The following MDGA2 variants were observed in gnomAD, a reference collection of about 807,000 sequenced individuals.
MDGA2 encodes MAM domain-containing glycosylphosphatidylinositol anchor protein 2.
Under a neutral mutation model 117.8 loss-of-function variants are expected in MDGA2, and 40 were observed. The observed-to-expected ratio is 0.34, with a 90% CI of 0.26 to 0.44. The LOEUF (loss-of-function observed/expected upper bound fraction) is 0.44, where lower values mean the gene tolerates loss of function less well. Among genes scored for constraint, MDGA2 ranks in the 20% least tolerant of loss-of-function variants. The pLI is 1.00. For missense variants in MDGA2, 1,123 were observed against 1,250.6 expected (o/e 0.90, Z 1.54); for synonymous variants, 452 against 439.0 (o/e 1.03, Z -0.37).
Position 46,876,148 on chromosome 14 carries a change from TCAAA to T in MDGA2, c.2437+1337_2437+1340del, listed in dbSNP as rs1882219439. 2.0e-5 allele frequency among the ~76,000 whole-genome samples: 3 copies of T among 151,420 alleles called. 1 individual carries two copies. In the Admixed American group the frequency reaches 2.0e-4, roughly 10 times the overall value. ...ATTATAACTAGTGTAATAATTCAAA[TCAAA>T]CAAAGATACTTAAGCAACATCAATA... is the stretch of plus-strand genomic sequence containing the variant. On this transcript the variant is annotated intron_variant, in intron 12 of 16. Transcript: ENST00000399232.
chr14:46,998,533 A>C (rs1341589697), intron 8 of MDGA2, among the ~76,000 whole-genome samples: 1 of 152,170 alleles, frequency 6.6e-6, no homozygotes, highest in Non-Finnish European at 1.5e-5. Context: ...TGCATTTCTG[A>C]ATCCAGTATG....
chr14:47,609,465 A>ACATATATATATATAT (rs1555336021), intron 1 of MDGA2, among the ~76,000 whole-genome samples: 8 of 107,382 alleles, frequency 7.5e-5, no homozygotes, highest in Non-Finnish European at 1.4e-4. Context: ...ATATATATAT[A>ACATATATATATATAT]AGTTTCTTTA....
chr14:47,567,193 G>A (rs1895935946), intron 1 of MDGA2, among the ~76,000 whole-genome samples: 1 of 151,870 alleles, frequency 6.6e-6, no homozygotes, highest in Non-Finnish European at 1.5e-5. Context: ...GAGTCATCAT[G>A]CCCAGCCCAA....
chr14:47,566,552 C>G (rs1487902695), intron 1 of MDGA2, among the ~76,000 whole-genome samples: 1 of 152,182 alleles, frequency 6.6e-6, no homozygotes, highest in Non-Finnish European at 1.5e-5. Context: ...TGGAGTCTTG[C>G]ACTTGTCACT....
At chr14:47,003,515 G>A (rs929172411) in intron 8 of MDGA2, among the ~76,000 whole-genome samples, 8 of 151,912 alleles carry the variant, frequency 5.3e-5, no homozygotes, top group African/African-American at 1.5e-4. Context: ...CCTAATAAGC[G>A]GGTAGTGGTA....
At chr14:46,873,404 G>A (rs921914912) in intron 14 of MDGA2, 29 bp downstream of exon 14, 1 of 1,529,588 alleles carries the variant, frequency 6.5e-7, no homozygotes. Context: ...CATTAATTTT[G>A]TAAGAATCAG....
chr14:46,992,546 T>C (rs1887131798), intron 8 of MDGA2, among the ~76,000 whole-genome samples: 1 of 152,210 alleles, frequency 6.6e-6, no homozygotes, highest in African/African-American at 2.4e-5. Flanking sequence ...AAATCATTTA[T>C]GCTTAAATTT....
At chr14:47,408,259 T>C (rs749179365) in intron 1 of MDGA2, among the ~76,000 whole-genome samples, 1 of 152,200 alleles carries the variant, frequency 6.6e-6, no homozygotes, top group African/African-American at 2.4e-5. Flanking sequence ...TTTCACCATG[T>C]TGGCCAGGAT....
chr14:47,365,293 C>T lies in MDGA2; in HGVS notation c.281-63743G>A, dbSNP rs142121699. On this transcript the variant is annotated intron_variant, in intron 1 of 16. Transcript: ENST00000399232. Reference sequence around the variant, plus strand: ...GTGCATCTTGGGGGCCCACCCCTGCCTTTCCCTTCTGTTAAGGTTCTCCCG... The same window carrying T: ...GTGCATCTTGGGGGCCCACCCCTGCTTTTCCCTTCTGTTAAGGTTCTCCCG... Among the ~76,000 whole-genome samples the T allele has an allele frequency of 8.6e-3, 1,311 of 152,352 alleles. 13 individuals are homozygous for T. Among genetic ancestry groups the T allele is most frequent in the African/African-American group, 0.03 (1,228 of 41,588 alleles).
intron 14 of MDGA2, among the ~76,000 whole-genome samples, chr14:46,858,068 A>G: frequency 6.6e-6 from 1 of 151,530 alleles, no homozygotes; most frequent in East Asian, 1.9e-4. Context: ...ATATAAAAGT[A>G]CTTATATATA....
chr14:47,092,007 T>C (rs1879685961), intron 6 of MDGA2, among the ~76,000 whole-genome samples: 1 of 152,186 alleles, frequency 6.6e-6, no homozygotes, highest in African/African-American at 2.4e-5. Context: ...TCTGAAGTTC[T>C]TTTGAGTAAT....
intron 8 of MDGA2, among the ~76,000 whole-genome samples, chr14:46,960,259 T>C (rs1352608967): frequency 6.6e-6 from 1 of 152,100 alleles, no homozygotes; most frequent in Non-Finnish European, 1.5e-5. Flanking sequence ...TATAATATGG[T>C]ATACCTATAG....
chr14:46,884,849 C>CT lies in MDGA2; in HGVS notation c.2239-2629dup, dbSNP rs753486366. Among the ~76,000 whole-genome samples the CT allele has an allele frequency of 4.4e-3, 642 of 146,076 alleles. 7 individuals are homozygous for CT. The highest frequency in any genetic ancestry group is 0.013 in the African/African-American group (540 of 40,544). Reference sequence around the variant, plus strand: ...ATGATCTCAGGTAATACATTACTTTCTTTTTTGTTTTTTTTCTGAGACAGT... The same window carrying CT: ...ATGATCTCAGGTAATACATTACTTTCTTTTTTTGTTTTTTTTCTGAGACAGT... On this transcript the variant is annotated intron_variant, in intron 10 of 16. Transcript: ENST00000399232. This position sits in a 1 kb window ranked among gnomAD's most constrained non-coding sequence, Gnocchi z 4.1.
chr14:47,540,563 T>TATATATATATACATATACATACAC lies in MDGA2; in HGVS notation c.280+133953_280+133954insGTGTATGTATATGTATATATATAT, dbSNP rs370481455. Among the ~76,000 whole-genome samples the TATATATATATACATATACATACAC allele has an allele frequency of 3.4e-3, 378 of 112,474 alleles. 7 individuals carry two copies. Among genetic ancestry groups the TATATATATATACATATACATACAC allele is most frequent in the African/African-American group, 0.011 (363 of 34,100 alleles). 73.8% of individuals were successfully genotyped at this position (112,474 alleles called of 152,430 possible). On this transcript the variant is annotated intron_variant, in intron 1 of 16. Transcript: ENST00000399232. ...GTGTATATATATATATGTATATATATACACACACACATAGAGAGAGAGACA... is the reference window on the plus strand; with the variant it reads ...GTGTATATATATATATGTATATATATATATATATATACATATACATACACACACACACACATAGAGAGAGAGACA...
At chr14:47,346,645 C>G (rs1260570754) in intron 1 of MDGA2, among the ~76,000 whole-genome samples, 3 of 152,090 alleles carry the variant, frequency 2.0e-5, no homozygotes, top group African/African-American at 7.2e-5. Context: ...TATTAATATT[C>G]CCTCCAACTG....
intron 7 of MDGA2, among the ~76,000 whole-genome samples, chr14:47,039,173 C>T (rs867576350): frequency 1.3e-5 from 2 of 152,106 alleles, no homozygotes; most frequent in Non-Finnish European, 2.9e-5. Context: ...TTCTGTTTTA[C>T]GTGTTGATAA....
intron 8 of MDGA2, among the ~76,000 whole-genome samples, chr14:47,016,282 A>G (rs1352343640): frequency 6.6e-6 from 1 of 152,012 alleles, no homozygotes; most frequent in Non-Finnish European, 1.5e-5. Flanking sequence ...GAGTAACAGT[A>G]AGTCCTTCAT....
At chr14:47,612,370 T>A (rs558509384) in intron 1 of MDGA2, among the ~76,000 whole-genome samples, 46 of 152,144 alleles carry the variant, frequency 3.0e-4, no homozygotes, top group Non-Finnish European at 5.3e-4. Context: ...CATATACTCA[T>A]GGAAAAACTA....
At chr14:47,054,086 G>C (rs959349165) in intron 7 of MDGA2, among the ~76,000 whole-genome samples, 18 of 152,012 alleles carry the variant, frequency 1.2e-4, no homozygotes, top group African/African-American at 2.6e-4. Context: ...TTTTATGAGA[G>C]AGATTGTGAG....
Sources: gnomAD v4.1 joint callset for allele counts (sites outside exome capture counted in the v4.1 genomes callset) on GRCh38, gnomAD v4.1.1 for gene constraint, Gnocchi (gnomAD v3.1) non-coding constraint, MANE v1.5 for transcripts, NCBI Gene and HGNC (gene_info 2026-07-23, HGNC 2026-07-21) for gene names.